Variants in PPARG observed in about 807,000 individuals in gnomAD.
The protein encoded by PPARG is peroxisome proliferator activated receptor gamma, also known as peroxisome proliferator-activated receptor gamma.
A neutral mutation model predicts 39.2 loss-of-function variants in PPARG; 17 were observed. The observed-to-expected ratio is 0.43, with a 90% CI of 0.30 to 0.65. The LOEUF (loss-of-function observed/expected upper bound fraction) is 0.65, where lower values mean the gene tolerates loss of function less well. PPARG is among the 30% of genes least tolerant of loss of function. The probability of loss-of-function intolerance (pLI) is 0.13; values close to 1 mark genes in which losing one functional copy is unlikely to be tolerated. For missense variants in PPARG, 406 were observed against 585.9 expected, an observed-to-expected ratio of 0.69 and a Z score of 3.17; for synonymous variants, 223 against 215.7, an observed-to-expected ratio of 1.03 and a Z score of -0.30.
Position 12,298,298 on chromosome 3 carries a change from CAAAAAAAAAAAA to C in PPARG, c.-83+9182_-83+9193del, listed in dbSNP as rs58459399. On this transcript the variant is annotated intron_variant, in intron 1 of 7. Transcript: ENST00000651735. Reference sequence around the variant, plus strand: ...TGGGCGACAGAGCGAGACTCTGTCTCAAAAAAAAAAAAAAAAAAAAAAAAAAAAAGAAATGTA... The same window carrying C: ...TGGGCGACAGAGCGAGACTCTGTCTCAAAAAAAAAAAAAAAAAGAAATGTA... Among the ~76,000 whole-genome samples, 36 of 41,362 alleles carry C rather than the reference CAAAAAAAAAAAA, an allele frequency of 8.7e-4. No homozygotes were observed. The South Asian group carries it at 0.027, about 31-fold the overall frequency. 27.1% of individuals were successfully genotyped at this position (41,362 alleles called of 152,430 possible).
At chr3:12,388,288 G>A (rs2049953267) in intron 4 of PPARG, among the ~76,000 whole-genome samples, 1 of 152,144 alleles carries the variant, frequency 6.6e-6, no homozygotes, top group Admixed American at 6.5e-5. Context: ...AAGAGGTAGT[G>A]AAAACTCTCC....
chr3:12,308,615 A>G lies in PPARG; in HGVS notation c.-82-3765A>G, dbSNP rs552211429. ...AAGCATACCACTTCCTTATTACTTT[A>G]CATTGCTGAGATGATTCATGCCCAT... is the stretch of plus-strand genomic sequence containing the variant. On this transcript the variant is annotated intron_variant, in intron 1 of 7. Transcript: ENST00000651735. 5.9e-5 allele frequency among the ~76,000 whole-genome samples: 9 copies of G among 152,344 alleles called. No individual in the cohort carries two copies. In the South Asian group the frequency reaches 1.5e-3, roughly 25 times the overall value.
chr3:12,318,785 A>G (rs1316589975), intron 2 of PPARG, among the ~76,000 whole-genome samples: 2 of 152,148 alleles, frequency 1.3e-5, no homozygotes, highest in Non-Finnish European at 2.9e-5. Context: ...GTTACATAGT[A>G]AGTGCTCAAT....
intron 4 of PPARG, among the ~76,000 whole-genome samples, chr3:12,391,840 A>G (rs988736315): frequency 3.3e-5 from 5 of 152,240 alleles, no homozygotes; most frequent in African/African-American, 1.2e-4. Context: ...AGATGAACAC[A>G]ATAGAAATGA....
chr3:12,290,799 T>C (rs2046629368), intron 1 of PPARG, among the ~76,000 whole-genome samples: 1 of 152,200 alleles, frequency 6.6e-6, no homozygotes, highest in African/African-American at 2.4e-5. Context: ...GTGGAACATA[T>C]ACAAGTATTA....
chr3:12,322,295 A>C (rs2047569267), intron 2 of PPARG, among the ~76,000 whole-genome samples: 1 of 152,242 alleles, frequency 6.6e-6, no homozygotes, highest in Non-Finnish European at 1.5e-5. Context: ...ATTGGCATTT[A>C]AATTTTTTGG....
At chr3:12,424,778 C>T (rs1278295010) in intron 7 of PPARG, among the ~76,000 whole-genome samples, 1 of 152,148 alleles carries the variant, frequency 6.6e-6, no homozygotes, top group Non-Finnish European at 1.5e-5. Context: ...ATCAGAGGGA[C>T]AGGAGTTCCA....
intron 2 of PPARG, among the ~76,000 whole-genome samples, chr3:12,330,887 A>G (rs4145573): frequency 0.25 from 38,318 of 152,102 alleles, 4,953 homozygotes; most frequent in East Asian, 0.33. Flanking sequence ...GAGATCCACA[A>G]ATATATTCTT....
intron 2 of PPARG, among the ~76,000 whole-genome samples, chr3:12,367,894 A>G (rs2049068585): frequency 6.6e-6 from 1 of 151,606 alleles, no homozygotes; most frequent in Non-Finnish European, 1.5e-5. Flanking sequence ...TAGTAAAATT[A>G]AATAAAATAT....
chr3:12,318,547 CA>C (rs545430029), intron 2 of PPARG, among the ~76,000 whole-genome samples: 1 of 152,006 alleles, frequency 6.6e-6, no homozygotes, highest in Non-Finnish European at 1.5e-5. Context: ...TTTTAAGATA[CA>C]AAACTATATG....
intron 4 of PPARG, among the ~76,000 whole-genome samples, chr3:12,386,211 C>T (rs1054354598): frequency 2.6e-5 from 4 of 151,982 alleles, no homozygotes; most frequent in South Asian, 4.1e-4. Flanking sequence ...TTCTGTAAAT[C>T]GATAAATAAT....
At chr3:12,381,926 T>G (rs1435941306) in intron 4 of PPARG, among the ~76,000 whole-genome samples, 2 of 152,168 alleles carry the variant, frequency 1.3e-5, no homozygotes, top group Admixed American at 6.5e-5. Context: ...GTTTATTTAT[T>G]TATTTATTTA....
Position 12,434,203 on chromosome 3 carries a change from G to GA in PPARG, c.*62dup. ...TTCTTCCAGTTGCACTATTCTGAGG[G>GA]AAAATCTGACACCTAAGAAATTTAC... On this transcript the variant is annotated 3_prime_UTR_variant, in exon 8 of 8. Transcript: ENST00000651735. The surrounding 1 kb of genome is among the most constrained non-coding windows in gnomAD (Gnocchi z 4.2). 6.2e-7 allele frequency: 1 copy of GA among 1,608,524 alleles called. No homozygotes were observed. Among genetic ancestry groups the GA allele is most frequent in the South Asian group, 1.1e-5 (1 of 90,538 alleles).
intron 2 of PPARG, among the ~76,000 whole-genome samples, chr3:12,375,498 A>G (rs1438598391): frequency 6.6e-6 from 1 of 152,244 alleles, no homozygotes; most frequent in Non-Finnish European, 1.5e-5. Context: ...TTGCAATAGC[A>G]TAGTGAGAAA....
At chr3:12,399,559 C>A in intron 5 of PPARG, 2 of 225,130 alleles carry the variant, frequency 8.9e-6, no homozygotes, top group South Asian at 4.9e-5. Flanking sequence ...TGTGCTCCAG[C>A]CCAGGCAAGA....
intron 6 of PPARG, among the ~76,000 whole-genome samples, chr3:12,411,593 G>A (rs2050881423): frequency 6.6e-6 from 1 of 152,176 alleles, no homozygotes; most frequent in Non-Finnish European, 1.5e-5. Flanking sequence ...AAAGGGAAAA[G>A]TTCTCAACCC....
At chr3:12,295,063 C>T (rs2046744693) in intron 1 of PPARG, among the ~76,000 whole-genome samples, 8 of 152,114 alleles carry the variant, frequency 5.3e-5, no homozygotes, top group Admixed American at 5.2e-4. Context: ...GTATGGGCTA[C>T]CCTCGTGCCT....
chr3:12,290,140 G>C (rs2046611554), intron 1 of PPARG, among the ~76,000 whole-genome samples: 1 of 152,016 alleles, frequency 6.6e-6, no homozygotes, highest in Admixed American at 6.6e-5. Context: ...GGCCATCTCA[G>C]TCTTTTAAAA....
intron 2 of PPARG, among the ~76,000 whole-genome samples, chr3:12,316,665 G>T (rs1167340773): frequency 6.6e-6 from 1 of 151,278 alleles, no homozygotes. Flanking sequence ...TTCATTGCCA[G>T]GGTGTCTGGC....
Sources: gnomAD v4.1 joint callset for allele counts (sites outside exome capture counted in the v4.1 genomes callset) on GRCh38, gnomAD v4.1.1 for gene constraint, Gnocchi (gnomAD v3.1) non-coding constraint, MANE v1.5 for transcripts, NCBI Gene and HGNC (gene_info 2026-07-23, HGNC 2026-07-21) for gene names.